Variants in NBEAL1 observed in about 807,000 individuals in gnomAD.
NBEAL1 encodes neurobeachin like 1.
A neutral mutation model predicts 351.3 loss-of-function variants in NBEAL1; 273 were observed. The observed-to-expected ratio is 0.78, with a 90% confidence interval of 0.70 to 0.86. The LOEUF is 0.86. Among genes scored for constraint, NBEAL1 ranks in the 40% least tolerant of loss-of-function variants. The probability of loss-of-function intolerance (pLI) is 0.00; values close to 1 mark genes in which losing one functional copy is unlikely to be tolerated. For synonymous variants in NBEAL1, 1,050 were observed against 1,086.4 expected, an observed-to-expected ratio of 0.97 and a Z score of 0.66; for missense variants, 2,961 against 3,201.3, an observed-to-expected ratio of 0.92 and a Z score of 1.81.
chr2:203,157,571 G>A lies in NBEAL1; in HGVS notation c.5588-128G>A, dbSNP rs532488703. On this transcript the variant is annotated intron_variant, in intron 35 of 55. Coordinates refer to ENST00000683969, the MANE Select transcript of NBEAL1 (RefSeq NM_001378026.1). ...AAGGATTACTCTAAATCAAAGTACC[G>A]TCTTTACTTATAATATACATATTGT... 2.8e-5 allele frequency: 16 copies of A among 567,032 alleles called. No individual in the cohort carries two copies. The East Asian group carries it at 4.2e-4, about 15-fold the overall frequency. 35.1% of individuals were successfully genotyped at this position (567,032 alleles called of 1,614,324 possible). A position where few individuals can be genotyped will look rare whatever the true frequency, so the allele number is the denominator to read the frequency against.
At chr2:203,174,891 AAAT>A (rs1297853948) in intron 41 of NBEAL1, among the ~76,000 whole-genome samples, 8 of 150,890 alleles carry the variant, frequency 5.3e-5, no homozygotes, top group East Asian at 3.9e-4. Flanking sequence ...ATAAATAAAT[AAAT>A]AAAAATAAAA....
At chr2:203,160,131 G>A (rs1466199611) in intron 36 of NBEAL1, among the ~76,000 whole-genome samples, 3 of 146,094 alleles carry the variant, frequency 2.1e-5, no homozygotes, top group African/African-American at 7.6e-5. Flanking sequence ...CCATGCCAGA[G>A]TGCAGTGGCG....
chr2:203,108,125 T>G lies in NBEAL1; in HGVS notation c.1886T>G (p.Leu629Ter). 6.4e-7 allele frequency: 1 copy of G among 1,552,174 alleles called. No individual in the cohort carries two copies. ...TTTTCTTTCAGTGCTTGGTTTTGCT[T>G]AGACCAGGATCAGTTGACTCTTGGC... ...SAFSFSAWFC[L>*]DQDQLTLGIA... Residue 629 changes from leucine (L) to a stop codon, truncating the protein, a stop_gained, in exon 14 of 56, where the codon TTA becomes TGA. Coordinates refer to ENST00000683969, the MANE Select transcript of NBEAL1 (RefSeq NM_001378026.1). LOFTEE classifies it high-confidence loss of function.
intron 35 of NBEAL1, 60 bp downstream of exon 35, chr2:203,151,649 A>C: frequency 6.9e-7 from 1 of 1,453,336 alleles, no homozygotes; most frequent in Non-Finnish European, 9.2e-7. Context: ...CGTGGGGTTG[A>C]CGATTGTTAT....
chr2:203,141,454 C>T (rs529933575), intron 31 of NBEAL1, among the ~76,000 whole-genome samples: 34 of 138,982 alleles, frequency 2.4e-4, no homozygotes, highest in Admixed American at 3.9e-4. Context: ...AACCTCGGCT[C>T]ACTGCAATCT....
chr2:203,083,787 A>T (rs2106166288), intron 9 of NBEAL1, among the ~76,000 whole-genome samples: 1 of 152,360 alleles, frequency 6.6e-6, no homozygotes, highest in African/African-American at 2.4e-5. Flanking sequence ...GTGAAAAAGA[A>T]AGTTAGCTAA....
At chr2:203,136,825 T>A (rs920352764) in intron 29 of NBEAL1, 51 bp downstream of exon 29, 1 of 1,475,390 alleles carries the variant, frequency 6.8e-7, no homozygotes, top group South Asian at 1.2e-5. Context: ...ACAGCAGGAG[T>A]CTAAAATAAC....
intron 18 of NBEAL1, among the ~76,000 whole-genome samples, chr2:203,120,056 G>A (rs1437684084): frequency 6.6e-6 from 1 of 152,130 alleles, no homozygotes; most frequent in Non-Finnish European, 1.5e-5. Flanking sequence ...GTCTCTGTCT[G>A]TAAGAAGCTT....
At chr2:203,187,805 A>G (rs925753025) in intron 44 of NBEAL1, among the ~76,000 whole-genome samples, 1 of 152,094 alleles carries the variant, frequency 6.6e-6, no homozygotes, top group African/African-American at 2.4e-5. Flanking sequence ...ACACTTTATC[A>G]TAGGCATCTG....
At chr2:203,141,366 A>ATTATTATTATTATT (rs1185870312) in intron 31 of NBEAL1, among the ~76,000 whole-genome samples, 11 of 9,110 alleles carry the variant, frequency 1.2e-3, no homozygotes, top group South Asian at 5.3e-3. Context: ...TATTATTATT[A>ATTATTATTATTATT]TTTTTTTTTT....
At chr2:203,151,231 C>A (rs1419975014) in intron 34 of NBEAL1, among the ~76,000 whole-genome samples, 6 of 152,098 alleles carry the variant, frequency 3.9e-5, no homozygotes, top group Non-Finnish European at 8.8e-5. Flanking sequence ...TGTCAGGAGG[C>A]TGAGGCACGA....
intron 18 of NBEAL1, among the ~76,000 whole-genome samples, chr2:203,117,846 C>CTT (rs78709491): frequency 2.2e-5 from 3 of 139,248 alleles, no homozygotes; most frequent in Admixed American, 7.3e-5. Context: ...CCATGCTGAG[C>CTT]TTTTTTTTTT....
At chr2:203,021,480 C>T (rs1224301462) in intron 2 of NBEAL1, among the ~76,000 whole-genome samples, 2 of 151,540 alleles carry the variant, frequency 1.3e-5, no homozygotes, top group African/African-American at 4.8e-5. Context: ...CCTGTGGTCC[C>T]AGCTACTCAG....
chr2:203,125,710 A>G (rs1010616443), intron 20 of NBEAL1, among the ~76,000 whole-genome samples, 190 bp downstream of exon 20: 1 of 152,212 alleles, frequency 6.6e-6, no homozygotes, highest in East Asian at 1.9e-4. Context: ...ATTAATCTCC[A>G]GTATCCTTAG....
intron 42 of NBEAL1, among the ~76,000 whole-genome samples, chr2:203,179,523 A>G (rs2064634590): frequency 6.6e-6 from 1 of 152,126 alleles, no homozygotes; most frequent in African/African-American, 2.4e-5. Flanking sequence ...TGAAAATTAA[A>G]TAATATTAAA....
In NBEAL1 at chr2:203,087,989, G is replaced by A. The variant is rs892064843; in HGVS notation, c.1098+3420G>A. 5.9e-5 allele frequency among the ~76,000 whole-genome samples: 9 copies of A among 152,290 alleles called. No individual in the cohort carries two copies. In the South Asian group the frequency reaches 1.5e-3, roughly 25 times the overall value. On this transcript the variant is annotated intron_variant, in intron 10 of 55. Coordinates refer to ENST00000683969, the MANE Select transcript of NBEAL1 (RefSeq NM_001378026.1). ...AAATATCAGAAGCAAAATGTATTTG[G>A]TTTAAAAATTTGCTTGGCTGCACAA...
intron 46 of NBEAL1, among the ~76,000 whole-genome samples, chr2:203,193,405 G>T (rs997092219): frequency 6.6e-6 from 1 of 152,136 alleles, no homozygotes; most frequent in African/African-American, 2.4e-5. Flanking sequence ...ATCCAAAAAT[G>T]AATAAGGCTT....
chr2:203,180,283 C>G (rs1424024642), intron 42 of NBEAL1, 99 bp from the exon 43 acceptor site: 1 of 1,039,612 alleles, frequency 9.6e-7, no homozygotes, highest in Non-Finnish European at 1.4e-6. Flanking sequence ...AACAGTACCT[C>G]TAATCATTAG....
At chr2:203,028,158 AG>A (rs1025078477) in intron 2 of NBEAL1, among the ~76,000 whole-genome samples, 9 of 151,594 alleles carry the variant, frequency 5.9e-5, no homozygotes, top group African/African-American at 2.2e-4. Context: ...CTGGGATTAC[AG>A]GTGTGAGCCA....
Sources: allele counts gnomAD v4.1 joint callset (sites outside exome capture counted in the v4.1 genomes callset), GRCh38; gene constraint gnomAD v4.1.1; transcripts MANE v1.5; gene names NCBI Gene and HGNC (gene_info 2026-07-23, HGNC 2026-07-21).